Variants in KRT1 observed in about 807,000 individuals in gnomAD.
The protein encoded by KRT1 is keratin 1.
A neutral mutation model predicts 51.6 loss-of-function variants in KRT1; 28 were observed. That is an observed-to-expected ratio of 0.54 (90% CI 0.40 to 0.74). The LOEUF (loss-of-function observed/expected upper bound fraction) is 0.74, where lower values mean the gene tolerates loss of function less well. Among genes scored for constraint, KRT1 ranks in the 30% least tolerant of loss-of-function variants. The pLI is 0.00. For synonymous variants in KRT1, 301 were observed against 307.7 expected, an observed-to-expected ratio of 0.98 and a Z score of 0.23; for missense variants, 783 against 815.5, an observed-to-expected ratio of 0.96 and a Z score of 0.49.
At position 52,680,173 on chromosome 12, in the gene KRT1, C is replaced by CCAG. The variant is rs1941565356; in HGVS notation, c.173_175dup (p.Ala58dup). ...AAGACTCCGACTTCCAAATCCACCA[C>CCAG]CAGCACCAAAGCTACCACCACCACC... On this transcript the variant is annotated inframe_insertion, in exon 1 of 9. Coordinates refer to ENST00000252244, the MANE Select transcript of KRT1 (RefSeq NM_006121.4). The CCAG allele has an allele frequency of 1.2e-6, 2 of 1,611,596 alleles. No homozygotes were observed. The highest frequency in any genetic ancestry group is 1.7e-6 in the Non-Finnish European group (2 of 1,178,782).
At chr12:52,679,377 C>T (rs184532153) in intron 1 of KRT1, among the ~76,000 whole-genome samples, 3 of 152,294 alleles carry the variant, frequency 2.0e-5, no homozygotes, top group Admixed American at 6.5e-5. Context: ...ACTATGTTCA[C>T]ACTCAACTCC....
rs371428130 is a variant in KRT1, at chr12:52,675,601, G to A, written c.1527C>T (p.His509=). 4.8e-5 allele frequency: 78 copies of A among 1,613,994 alleles called. 2 individuals are homozygous for A. In the Middle Eastern group the frequency reaches 2.5e-3, roughly 51 times the overall value. ...PNVSVSVSTS[H]TTISGGGSRG... is the part of the protein sequence containing the mutation. ...GGCTGCCACCTCCACTGATGGTGGTGTGGCTTGTGCTCACAGCTGCAAGAG... is the reference window on the plus strand; with the variant it reads ...GGCTGCCACCTCCACTGATGGTGGTATGGCTTGTGCTCACAGCTGCAAGAG... Residue 509 remains histidine, a synonymous_variant, in exon 9 of 9, where the codon CAC becomes CAT. Coordinates refer to ENST00000252244, the MANE Select transcript of KRT1 (RefSeq NM_006121.4).
At chr12:52,678,132 A>G (rs763542946) in intron 3 of KRT1, 31 bp downstream of exon 3, 42 of 1,607,842 alleles carry the variant, frequency 2.6e-5, no homozygotes, top group Non-Finnish European at 3.2e-5. Context: ...TTTATTTCAA[A>G]TGTGAGTTCC....
Position 52,677,063 on chromosome 12 carries a change from T to C in KRT1, c.1250A>G (p.Lys417Arg), listed in dbSNP as rs746682524. Reference protein sequence around the residue: ...RLRSEIDNVKKQISNLQQSIS... With the variant: ...RLRSEIDNVKRQISNLQQSIS... The stretch of plus-strand genomic sequence containing the variant: ...GTAGAAGGAGAAAGCACATACCTGC[T>C]TCTTGACATTGTCGATTTCAGATCT... Residue 417 changes from lysine to arginine, a missense_variant, in exon 6 of 9, where the codon AAG becomes AGG. Physicochemically the swap from Lys to Arg is conservative, Grantham distance 26. Transcript: ENST00000252244. 3 of 1,613,140 alleles carry C rather than the reference T, an allele frequency of 1.9e-6. No homozygotes were observed. The African/African-American group carries it at 4.0e-5, about 22-fold the overall frequency.
chr12:52,675,211 A>T lies in KRT1; in HGVS notation c.1917T>A (p.Tyr639Ter). The stretch of plus-strand genomic sequence containing the variant: ...CATCTCTTTATCTGGTTACTCCGGA[A>T]TAAGTGGTAGAAACAAACTTCACGC... ...SSSVKFVSTT[Y>*]SGVTR Residue 639 changes from tyrosine (Y) to a stop codon, truncating the protein, a stop_gained, in exon 9 of 9, where the codon TAT becomes TAA. Coordinates refer to ENST00000252244, the MANE Select transcript of KRT1 (RefSeq NM_006121.4). LOFTEE classifies it high-confidence loss of function. 6.2e-7 allele frequency: 1 copy of T among 1,613,868 alleles called. No individual in the cohort carries two copies. The highest frequency in any genetic ancestry group is 2.2e-5 in the East Asian group (1 of 44,878).
chr12:52,676,856 C>T (rs1324545761), intron 6 of KRT1, among the ~76,000 whole-genome samples: 2 of 152,218 alleles, frequency 1.3e-5, no homozygotes, highest in Admixed American at 6.5e-5. Flanking sequence ...TCTTTCTCTA[C>T]TAGGCCATTC....
intron 1 of KRT1, among the ~76,000 whole-genome samples, chr12:52,679,430 C>A (rs557077888): frequency 1.3e-5 from 2 of 152,260 alleles, no homozygotes; most frequent in South Asian, 4.1e-4. Flanking sequence ...CTCACTTGCA[C>A]CCTGGAAAGT....
At chr12:52,676,748 A>G (rs970905517) in intron 6 of KRT1, among the ~76,000 whole-genome samples, 2 of 152,078 alleles carry the variant, frequency 1.3e-5, no homozygotes, top group Non-Finnish European at 1.5e-5. Flanking sequence ...ATTCTTCTAA[A>G]CACCTACTCT....
In KRT1 at chr12:52,675,001, G is replaced by T; in HGVS notation, c.*192C>A. 1 of 799,436 alleles carries T rather than the reference G, an allele frequency of 1.3e-6. No individual in the cohort carries two copies. Among genetic ancestry groups the T allele is most frequent in the Non-Finnish European group, 2.1e-6 (1 of 467,358 alleles). 49.5% of individuals were successfully genotyped at this position (799,436 alleles called of 1,614,324 possible). On this transcript the variant is annotated 3_prime_UTR_variant, in exon 9 of 9. Transcript: ENST00000252244. ...AGCAGGGTCATAGCCAGGGGACTGA[G>T]ATTGCCACTGATCTGAAAACTTCAT...
Position 52,676,422 on chromosome 12 carries a change from T to A in KRT1, c.1328A>T (p.Lys443Met), listed in dbSNP as rs776631213. ...GENALKDAKNKLNDLEDALQQ... is the reference protein window; with the variant it reads ...GENALKDAKNMLNDLEDALQQ... ...CAGGGCATCCTCCAGGTCATTCAGCTTGTTCTTGGCATCCTTGAGGGCATT... is the reference window on the plus strand; with the variant it reads ...CAGGGCATCCTCCAGGTCATTCAGCATGTTCTTGGCATCCTTGAGGGCATT... Residue 443 changes from lysine to methionine, a missense_variant, in exon 7 of 9, where the codon AAG becomes ATG. Coordinates refer to ENST00000252244, the MANE Select transcript of KRT1 (RefSeq NM_006121.4). The A allele has an allele frequency of 3.7e-6, 6 of 1,614,198 alleles. No homozygotes were observed. In the South Asian group the frequency reaches 6.6e-5, roughly 18 times the overall value.
Position 52,675,299 on chromosome 12 carries a change from C to T in KRT1, c.1829G>A (p.Gly610Glu). The T allele has an allele frequency of 1.9e-6, 3 of 1,613,064 alleles. No individual in the cohort carries two copies. The highest frequency in any genetic ancestry group is 2.5e-6 in the Non-Finnish European group (3 of 1,179,886). Residue 610 changes from glycine (G) to glutamate (E), a missense_variant, in exon 9 of 9, where the codon GGA (glycine) becomes GAA (glutamate). By Grantham distance (98) the Gly-to-Glu change is moderately conservative. Transcript: ENST00000252244. The part of the protein sequence containing the change: ...GGRGSGGGSS[G>E]GSIGGRGSSS... ...GGATCCCCGGCCTCCTATGGAGCCT[C>T]CAGAGCTCCCGCCGCCAGAGCCCCG...
chr12:52,678,735 T>C lies in KRT1; in HGVS notation c.613A>G (p.Asn205Asp). ...IDKVRFLEQQNQVLQTKWELL... is the reference protein window; with the variant it reads ...IDKVRFLEQQDQVLQTKWELL... ...TCCCATTTTGTTTGCAGTACCTGGT[T>C]CTGCTGCTCCAGGAACCTCACCTAA... The change falls in exon 2 of 9, where the codon AAC (asparagine) becomes GAC (aspartate). Residue 205 changes from asparagine (N) to aspartate (D), a missense_variant. Physicochemically the swap from Asn to Asp is conservative, Grantham distance 23 (BLOSUM62 1). Coordinates refer to ENST00000252244, the MANE Select transcript of KRT1 (RefSeq NM_006121.4). 1 of 1,614,158 alleles carries C rather than the reference T, an allele frequency of 6.2e-7. No individual in the cohort carries two copies. The highest frequency in any genetic ancestry group is 1.7e-5 in the Admixed American group (1 of 60,034).
Position 52,675,309 on chromosome 12 carries a change from C to T in KRT1, c.1819G>A (p.Gly607Arg), listed in dbSNP as rs1420204921. The T allele has an allele frequency of 2.5e-6, 4 of 1,612,656 alleles. No individual in the cohort carries two copies. The highest frequency in any genetic ancestry group is 1.7e-5 in the Admixed American group (1 of 59,998). The change falls in exon 9 of 9, where the codon GGG becomes AGG. Residue 607 changes from glycine to arginine, a missense_variant. Gly to Arg is a moderately radical substitution (Grantham distance 125). Coordinates refer to ENST00000252244, the MANE Select transcript of KRT1 (RefSeq NM_006121.4). ...CCTCCTATGGAGCCTCCAGAGCTCC[C>T]GCCGCCAGAGCCCCGGCCGCCAGAG... is the stretch of plus-strand genomic sequence containing the variant. ...GSSGGRGSGG[G>R]SSGGSIGGRG... is the part of the protein sequence containing the mutation.
At chr12:52,679,389 T>C (rs1033902635) in intron 1 of KRT1, among the ~76,000 whole-genome samples, 1 of 152,126 alleles carries the variant, frequency 6.6e-6, no homozygotes, top group Non-Finnish European at 1.5e-5. Context: ...CTCAACTCCC[T>C]TTCTATGGTT....
chr12:52,676,799 A>C (rs1323075452), intron 6 of KRT1, among the ~76,000 whole-genome samples: 1 of 152,116 alleles, frequency 6.6e-6, no homozygotes, highest in Non-Finnish European at 1.5e-5. Context: ...CCCAACTCTT[A>C]AGTCCACTTT....
chr12:52,678,632 C>T lies in KRT1; in HGVS notation c.716G>A (p.Arg239Gln), dbSNP rs542753485. The change falls in exon 2 of 9, where the codon CGA becomes CAA. Residue 239 changes from arginine (R) to glutamine (Q), a missense_variant. Transcript: ENST00000252244. ...PYFESFINNL[R>Q]RRVDQLKSDQ... Reference sequence around the variant, plus strand: ...ACTCTTCAGTTGGTCCACTCTCCTTCGGAGATTGTTGATGAATGACTCAAA... The same window carrying T: ...ACTCTTCAGTTGGTCCACTCTCCTTTGGAGATTGTTGATGAATGACTCAAA... 41 of 1,614,086 alleles carry T rather than the reference C, an allele frequency of 2.5e-5. No individual in the cohort carries two copies. The highest frequency in any genetic ancestry group is 1.9e-4 in the South Asian group (17 of 91,088).
At position 52,680,200 on chromosome 12, in the gene KRT1, C is replaced by T. The variant is rs752219630; in HGVS notation, c.149G>A (p.Gly50Asp). 13 of 1,613,896 alleles carry T rather than the reference C, an allele frequency of 8.1e-6. No individual in the cohort carries two copies. The Admixed American group carries it at 8.3e-5, about 10-fold the overall frequency. The change falls in exon 1 of 9, where the codon GGT becomes GAT. Residue 50 changes from glycine to aspartate, a missense_variant. Transcript: ENST00000252244. ...GGGGGRFSSC[G>D]GGGGSFGAGG... is the part of the protein sequence containing the mutation. Reference sequence around the variant, plus strand: ...AGCACCAAAGCTACCACCACCACCACCACAGCTTGAAAATCTCCCACCACC... The same window carrying T: ...AGCACCAAAGCTACCACCACCACCATCACAGCTTGAAAATCTCCCACCACC...
chr12:52,677,391 A>C lies in KRT1; in HGVS notation c.1053T>G (p.Ile351Met), dbSNP rs1181565374. Residue 351 changes from isoleucine to methionine, a missense_variant, in exon 5 of 9, where the codon ATT becomes ATG. Ile to Met is a conservative substitution (Grantham distance 10). Transcript: ENST00000252244. ...NNRSLDLDSI[I>M]AEVKAQYEDI... The stretch of plus-strand genomic sequence containing the variant: ...CCTCGTACTGGGCCTTGACCTCAGC[A>C]ATGATGCTGTCCAGGTCGAGACTGC... 1 of 1,614,188 alleles carries C rather than the reference A, an allele frequency of 6.2e-7. No individual in the cohort carries two copies. Among genetic ancestry groups the C allele is most frequent in the East Asian group, 2.2e-5 (1 of 44,876 alleles).
chr12:52,675,304 G>A lies in KRT1; in HGVS notation c.1824C>T (p.Ser608=), dbSNP rs1300703349. ...SSGGRGSGGG[S]SGGSIGGRGS... is the part of the protein sequence containing the mutation. Reference sequence around the variant, plus strand: ...CCCGGCCTCCTATGGAGCCTCCAGAGCTCCCGCCGCCAGAGCCCCGGCCGC... The same window carrying A: ...CCCGGCCTCCTATGGAGCCTCCAGAACTCCCGCCGCCAGAGCCCCGGCCGC... The change falls in exon 9 of 9, where the codon AGC becomes AGT. Residue 608 remains serine (S), a synonymous_variant. Coordinates refer to ENST00000252244, the MANE Select transcript of KRT1 (RefSeq NM_006121.4). The A allele has an allele frequency of 6.2e-7, 1 of 1,612,752 alleles. No individual in the cohort carries two copies. The highest frequency in any genetic ancestry group is 2.2e-5 in the East Asian group (1 of 44,882).
Sources: allele counts gnomAD v4.1 joint callset (sites outside exome capture counted in the v4.1 genomes callset), GRCh38; gene constraint gnomAD v4.1.1; transcripts MANE v1.5; gene names NCBI Gene and HGNC (gene_info 2026-07-23, HGNC 2026-07-21).